Variants in HTR1F observed in about 807,000 individuals in gnomAD.
HTR1F encodes 5-hydroxytryptamine receptor 1F.
Under a neutral mutation model 24.0 loss-of-function variants are expected in HTR1F, and 17 were observed. The observed-to-expected ratio is 0.71, with a 90% CI of 0.48 to 1.06. The LOEUF (loss-of-function observed/expected upper bound fraction) is 1.06. HTR1F is among the 50% of genes least tolerant of loss of function. The probability of loss-of-function intolerance (pLI) is 0.00; values close to 1 mark genes in which losing one functional copy is unlikely to be tolerated. For synonymous variants in HTR1F, 186 were observed against 156.8 expected, an observed-to-expected ratio of 1.19 and a Z score of -1.39; for missense variants, 391 against 427.8, an observed-to-expected ratio of 0.91 and a Z score of 0.76.
intron 2 of HTR1F, among the ~76,000 whole-genome samples, chr3:87,824,886 GTTT>G (rs927681866): frequency 2.1e-3 from 314 of 152,210 alleles, no homozygotes; most frequent in African/African-American, 7.2e-3. Context: ...AAAAGAAAAT[GTTT>G]TTGTTTCCAT....
intron 2 of HTR1F, among the ~76,000 whole-genome samples, chr3:87,967,857 G>A (rs1705201176): frequency 6.6e-6 from 1 of 152,180 alleles, no homozygotes; most frequent in African/African-American, 2.4e-5. Flanking sequence ...CAGCAAATTT[G>A]TACCAGTATA....
intron 2 of HTR1F, among the ~76,000 whole-genome samples, chr3:87,829,383 A>G (rs1378192387): frequency 2.6e-5 from 4 of 152,246 alleles, no homozygotes; most frequent in Non-Finnish European, 5.9e-5. Context: ...GAGACTGTCA[A>G]ATGAAGCATA....
At chr3:87,862,393 A>G (rs2107232447) in intron 2 of HTR1F, among the ~76,000 whole-genome samples, 1 of 152,340 alleles carries the variant, frequency 6.6e-6, no homozygotes, top group East Asian at 1.9e-4. Context: ...AACCCTCATG[A>G]ACAATCCTTC....
chr3:87,884,125 A>G (rs147242475), intron 2 of HTR1F, among the ~76,000 whole-genome samples: 3,599 of 152,292 alleles, frequency 0.024, 67 homozygotes, highest in Non-Finnish European at 0.031. Context: ...AGGGAAGCCC[A>G]TCAGACTAAC....
chr3:87,919,589 A>G (rs1030583314), intron 2 of HTR1F, among the ~76,000 whole-genome samples: 1 of 152,072 alleles, frequency 6.6e-6, no homozygotes, highest in Non-Finnish European at 1.5e-5. Context: ...AAAAGAAGAT[A>G]TACAAATGAC....
At chr3:87,945,863 G>A (rs1704687156) in intron 2 of HTR1F, among the ~76,000 whole-genome samples, 1 of 152,148 alleles carries the variant, frequency 6.6e-6, no homozygotes, top group Non-Finnish European at 1.5e-5. Context: ...TGTTACCGGG[G>A]GGGTCCTTGC....
chr3:87,949,500 T>C (rs1200251602), intron 2 of HTR1F, among the ~76,000 whole-genome samples: 1 of 152,218 alleles, frequency 6.6e-6, no homozygotes, highest in Non-Finnish European at 1.5e-5. Flanking sequence ...ACAAGTGACA[T>C]TGAGAAAGCA....
chr3:87,947,553 CAT>C (rs890478255), intron 2 of HTR1F, among the ~76,000 whole-genome samples: 54 of 151,968 alleles, frequency 3.6e-4, no homozygotes, highest in Middle Eastern at 3.4e-3. Flanking sequence ...TATAACCACA[CAT>C]GTCAAAGGTA....
chr3:87,845,679 A>C (rs903886123), intron 2 of HTR1F, among the ~76,000 whole-genome samples: 15 of 151,748 alleles, frequency 9.9e-5, no homozygotes, highest in Admixed American at 8.5e-4. Context: ...TACAGATTCA[A>C]TGCCATCCCC....
At position 87,816,673 on chromosome 3, in the gene HTR1F, C is replaced by T. The variant is rs114384664; in HGVS notation, c.-159-5335C>T. ...TTTGTAATTGAATTTACTATATGTA[C>T]GTATAGTTTATGTCTAAAAAATATC... is the stretch of plus-strand genomic sequence containing the variant. On this transcript the variant is annotated intron_variant, in intron 1 of 2. Coordinates refer to ENST00000319595, the MANE Select transcript of HTR1F (RefSeq NM_001322209.2). Among the ~76,000 whole-genome samples the T allele has an allele frequency of 9.3e-3, 1,409 of 152,066 alleles. 21 individuals carry two copies. The highest frequency in any genetic ancestry group is 0.031 in the African/African-American group (1,286 of 41,520).
chr3:87,982,308 A>G (rs1705561825), intron 2 of HTR1F, among the ~76,000 whole-genome samples: 1 of 152,130 alleles, frequency 6.6e-6, no homozygotes, highest in East Asian at 1.9e-4. Context: ...GGACTTCTAA[A>G]AATCTTAAGG....
At chr3:87,843,989 C>A (rs1177863447) in intron 2 of HTR1F, among the ~76,000 whole-genome samples, 1 of 150,682 alleles carries the variant, frequency 6.6e-6, no homozygotes, top group South Asian at 2.1e-4. Flanking sequence ...AATAAACATA[C>A]GTGTGCATGT....
chr3:87,930,789 C>T (rs1454856787), intron 2 of HTR1F, among the ~76,000 whole-genome samples: 1 of 152,046 alleles, frequency 6.6e-6, no homozygotes, highest in African/African-American at 2.4e-5. Flanking sequence ...ATAATTATCG[C>T]TATATACATA....
At chr3:87,847,951 A>C (rs1704983614) in intron 2 of HTR1F, among the ~76,000 whole-genome samples, 1 of 151,920 alleles carries the variant, frequency 6.6e-6, no homozygotes. Flanking sequence ...TGACACGTTG[A>C]TTCCATATCT....
chr3:87,911,642 A>G (rs1346436164), intron 2 of HTR1F, among the ~76,000 whole-genome samples: 1 of 152,126 alleles, frequency 6.6e-6, no homozygotes. Context: ...ATTATCCTTG[A>G]TGAATATTGA....
At chr3:87,823,150 A>G (rs748807109) in intron 2 of HTR1F, among the ~76,000 whole-genome samples, 2 of 152,220 alleles carry the variant, frequency 1.3e-5, no homozygotes, top group East Asian at 1.9e-4. Context: ...CACAAAGCTA[A>G]AAGTATATAT....
chr3:87,959,255 G>A lies in HTR1F; in HGVS notation c.-42-31453G>A, dbSNP rs537621984. Among the ~76,000 whole-genome samples, 21 of 151,844 alleles carry A rather than the reference G, an allele frequency of 1.4e-4. 1 individual carries two copies. In the East Asian group the frequency reaches 3.9e-3, roughly 28 times the overall value. ...TTCTCACATTTTTATGGTTGGAATA[G>A]TACCTAAATGCTAGTATTATTAGGA... is the stretch of plus-strand genomic sequence containing the variant. On this transcript the variant is annotated intron_variant, in intron 2 of 2. Transcript: ENST00000319595.
At chr3:87,920,345 A>G (rs1703987399) in intron 2 of HTR1F, among the ~76,000 whole-genome samples, 1 of 151,950 alleles carries the variant, frequency 6.6e-6, no homozygotes, top group Admixed American at 6.6e-5. Flanking sequence ...ACAAATCACC[A>G]CTAAAGAACT....
chr3:87,804,172 A>C, intron 1 of HTR1F, among the ~76,000 whole-genome samples: 1 of 152,172 alleles, frequency 6.6e-6, no homozygotes, highest in East Asian at 1.9e-4. Flanking sequence ...ATTTTGTTTC[A>C]TATTTCTCAC....
Sources: gnomAD v4.1 joint callset for allele counts (sites outside exome capture counted in the v4.1 genomes callset) on GRCh38, gnomAD v4.1.1 for gene constraint, MANE v1.5 for transcripts, NCBI Gene and HGNC (gene_info 2026-07-23, HGNC 2026-07-21) for gene names.